DCTN5: variants seen among roughly 807,000 people sequenced by gnomAD.
DCTN5 encodes dynactin subunit 5.
DCTN5 carries 14 observed loss-of-function variants against 23.5 expected under a neutral mutation model. The observed-to-expected ratio is 0.60, with a 90% CI of 0.39 to 0.93. DCTN5 has a LOEUF of 0.93. Ranked by LOEUF, DCTN5 falls within the 40% of genes least tolerant of loss-of-function variation. DCTN5 has a pLI of 0.00. For synonymous variants in DCTN5, 67 were observed against 79.6 expected (o/e 0.84, Z 0.84); for missense variants, 156 against 225.9 (o/e 0.69, Z 1.98).
chr16:23,666,880 A>C lies in DCTN5; in HGVS notation c.452-167A>C, dbSNP rs1435115426. 2.7e-6 allele frequency: 3 copies of C among 1,106,706 alleles called. No individual in the cohort carries two copies. In the African/African-American group the frequency reaches 4.8e-5, roughly 18 times the overall value. 68.6% of individuals were successfully genotyped at this position (1,106,706 alleles called of 1,614,324 possible). A position where few individuals can be genotyped will look rare whatever the true frequency, so the allele number is the denominator to read the frequency against. On this transcript the variant is annotated intron_variant, in intron 5 of 5. Coordinates refer to ENST00000300087, the MANE Select transcript of DCTN5 (RefSeq NM_032486.4). ...TCTCCATATTGGGGTCCTGCTGTGAAAAAGTTTAGCTGTTCTTAGCAAGCA... is the reference window on the plus strand; with the variant it reads ...TCTCCATATTGGGGTCCTGCTGTGACAAAGTTTAGCTGTTCTTAGCAAGCA...
At chr16:23,651,848 A>G (rs558421806) in intron 2 of DCTN5, among the ~76,000 whole-genome samples, 1 of 152,330 alleles carries the variant, frequency 6.6e-6, no homozygotes, top group South Asian at 2.1e-4. Flanking sequence ...CAGCCTGGCC[A>G]TCATGGTGAA....
At chr16:23,643,071 G>A in intron 2 of DCTN5, 48 bp downstream of exon 2, 1 of 1,504,004 alleles carries the variant, frequency 6.6e-7, no homozygotes, top group Non-Finnish European at 9.3e-7. Context: ...CTTGCGTTCT[G>A]CTAATTGTCA....
rs1434730886 is a variant in DCTN5 at position 23,672,371 on chromosome 16, T to G, written c.*5227T>G. On this transcript the variant is annotated 3_prime_UTR_variant, in exon 6 of 6. Coordinates refer to ENST00000300087, the MANE Select transcript of DCTN5 (RefSeq NM_032486.4). ...CACTATAATGGGCACTTTATCCCATTTTATAAACATGGAAATTGAGGCACA... is the reference window on the plus strand; with the variant it reads ...CACTATAATGGGCACTTTATCCCATGTTATAAACATGGAAATTGAGGCACA... The G allele has an allele frequency of 6.6e-6, 1 of 152,186 alleles. No individual in the cohort carries two copies. The highest frequency in any genetic ancestry group is 1.5e-5 in the Non-Finnish European group (1 of 68,036). 9.4% of individuals were successfully genotyped at this position (152,186 alleles called of 1,614,324 possible). A position where few individuals can be genotyped will look rare whatever the true frequency, so the allele number is the denominator to read the frequency against.
At chr16:23,647,432 T>A (rs943618334) in intron 2 of DCTN5, among the ~76,000 whole-genome samples, 12 of 152,060 alleles carry the variant, frequency 7.9e-5, no homozygotes, top group Admixed American at 7.9e-4. Context: ...TTTTTAATCA[T>A]GAATTATGAG....
rs79996529 is a variant in DCTN5 at position 23,650,684 on chromosome 16, G to A, written c.117+7661G>A. On this transcript the variant is annotated intron_variant, in intron 2 of 5. Transcript: ENST00000300087. The stretch of plus-strand genomic sequence containing the variant: ...TCCACTTATCCACCCTCCTCTTGGT[G>A]GAAAGTTACTTTGTTTCTAGTTTTT... 1,293 of 1,412,398 alleles carry A rather than the reference G, an allele frequency of 9.2e-4. 19 individuals are homozygous for A. The East Asian group carries it at 0.025, about 27-fold the overall frequency. The allele number at this position is 1,412,398 out of a possible 1,614,324, so 87.5% of individuals were successfully genotyped here. A position where few individuals can be genotyped will look rare whatever the true frequency, so the allele number is the denominator to read the frequency against.
chr16:23,643,009 G>A lies in DCTN5; in HGVS notation c.103G>A (p.Val35Ile), dbSNP rs1967333531. Reference sequence around the variant, plus strand: ...AGTGTTGTGTGGAAGCCAGAACATCGTTCTCAATGGCAAGGTAAGGGACAA... The same window carrying A: ...AGTGTTGTGTGGAAGCCAGAACATCATTCTCAATGGCAAGGTAAGGGACAA... The part of the protein sequence containing the change: ...QSVLCGSQNI[V>I]LNGKTIVMND... Residue 35 changes from valine to isoleucine, a missense_variant, in exon 2 of 6, where the codon GTT (valine) becomes ATT (isoleucine). By Grantham distance (29) the Val-to-Ile change is conservative. Around this residue, in one of 2 missense-constraint regions of DCTN5, gnomAD observed 153 missense variants for 206.8 expected, o/e 0.74. Coordinates refer to ENST00000300087, the MANE Select transcript of DCTN5 (RefSeq NM_032486.4). The A allele has an allele frequency of 6.2e-7, 1 of 1,614,116 alleles. No individual in the cohort carries two copies. Among genetic ancestry groups the A allele is most frequent in the Non-Finnish European group, 8.5e-7 (1 of 1,180,008 alleles).
chr16:23,660,087 G>A (rs899735595), intron 3 of DCTN5, among the ~76,000 whole-genome samples: 1 of 152,026 alleles, frequency 6.6e-6, no homozygotes, highest in Non-Finnish European at 1.5e-5. Context: ...TAATACTATC[G>A]AACTTGGAAT....
intron 2 of DCTN5, among the ~76,000 whole-genome samples, chr16:23,658,098 G>C (rs565943665): frequency 1.4e-4 from 22 of 152,344 alleles, no homozygotes; most frequent in African/African-American, 4.8e-4. Flanking sequence ...GGAGCATGGA[G>C]TTGGAGGAGG....
Position 23,642,139 on chromosome 16 carries a change from G to A in DCTN5, c.48+549G>A, listed in dbSNP as rs703771. 2.1e-4 allele frequency among the ~76,000 whole-genome samples: 32 copies of A among 152,118 alleles called. No individual in the cohort carries two copies. In the East Asian group the frequency reaches 6.2e-3, roughly 30 times the overall value. On this transcript the variant is annotated intron_variant, in intron 1 of 5. Coordinates refer to ENST00000300087, the MANE Select transcript of DCTN5 (RefSeq NM_032486.4). ...GTAGAGACGGGGTTTCACCGTGTTG[G>A]CCAGGCAGGTCCCTAACTCTTGACC...
chr16:23,657,593 G>A (rs1057076253), intron 2 of DCTN5: 34 of 295,578 alleles, frequency 1.2e-4, no homozygotes, highest in Non-Finnish European at 2.1e-4. Flanking sequence ...GCAGGTACTT[G>A]CCACCATGTC....
chr16:23,651,296 T>C (rs530854654), intron 2 of DCTN5: 16 of 678,304 alleles, frequency 2.4e-5, no homozygotes, highest in African/African-American at 2.3e-4. Context: ...CTTCTTTCTT[T>C]TTAACACCCC....
intron 2 of DCTN5, among the ~76,000 whole-genome samples, chr16:23,645,143 T>A (rs1311599767): frequency 1.2e-4 from 12 of 96,394 alleles, no homozygotes; most frequent in South Asian, 3.4e-4. Flanking sequence ...ATATATTTTT[T>A]TTTTTTTTAA....
intron 2 of DCTN5, among the ~76,000 whole-genome samples, chr16:23,648,657 T>C (rs1355923796): frequency 1.3e-5 from 2 of 151,892 alleles, no homozygotes; most frequent in Non-Finnish European, 2.9e-5. Flanking sequence ...GCCCTATTTG[T>C]AGTTTTTTTA....
chr16:23,674,531 G>C lies in DCTN5; in HGVS notation c.*7387G>C, dbSNP rs550597899. 1 of 152,302 alleles carries C rather than the reference G, an allele frequency of 6.6e-6. No homozygotes were observed. The highest frequency in any genetic ancestry group is 1.9e-4 in the East Asian group (1 of 5,186). 9.4% of individuals were successfully genotyped at this position (152,302 alleles called of 1,614,324 possible). ...CAGCTTTTGGGATTAGTTGCAGCTT[G>C]CAACAGTGGACTGACAGCCTGACTC... On this transcript the variant is annotated 3_prime_UTR_variant, in exon 6 of 6. Transcript: ENST00000300087.
At chr16:23,650,937 C>G in intron 2 of DCTN5, 1 of 1,411,160 alleles carries the variant, frequency 7.1e-7, no homozygotes, top group East Asian at 2.5e-5. Context: ...GGAATACAGG[C>G]CCACGTGGCA....
intron 1 of DCTN5, 29 bp downstream of exon 1, chr16:23,641,619 C>T (rs778600775): frequency 1.1e-5 from 18 of 1,613,248 alleles, no homozygotes; most frequent in East Asian, 6.7e-5. Flanking sequence ...GTATCCTCCT[C>T]TTTCCAACCC....
At chr16:23,663,518 A>T (rs1967852671) in intron 4 of DCTN5, among the ~76,000 whole-genome samples, 1 of 152,152 alleles carries the variant, frequency 6.6e-6, no homozygotes. Context: ...GTTTAAGACC[A>T]GCCTGGCCAA....
In DCTN5 at chr16:23,675,835, A is replaced by G. The variant is rs11188; in HGVS notation, c.*8691A>G. Reference sequence around the variant, plus strand: ...TCTCCCACAAATGTCATCCATGCTCATGAGATGGATCAACTTGTATCCTGA... The same window carrying G: ...TCTCCCACAAATGTCATCCATGCTCGTGAGATGGATCAACTTGTATCCTGA... On this transcript the variant is annotated 3_prime_UTR_variant, in exon 6 of 6. Transcript: ENST00000300087. The G allele has an allele frequency of 0.078, 11,868 of 152,252 alleles. 501 individuals are homozygous for G. The highest frequency in any genetic ancestry group is 0.17 in the East Asian group (878 of 5,168). The allele number at this position is 152,252 out of a possible 1,614,324, so 9.4% of individuals were successfully genotyped here. A position where few individuals can be genotyped will look rare whatever the true frequency, so the allele number is the denominator to read the frequency against.
rs1226437132 is a variant in DCTN5 at position 23,670,855 on chromosome 16, C to T, written c.*3711C>T. 2.6e-5 allele frequency: 4 copies of T among 152,132 alleles called. No homozygotes were observed. Among genetic ancestry groups the T allele is most frequent in the Non-Finnish European group, 5.9e-5 (4 of 68,044 alleles). The allele number at this position is 152,132 out of a possible 1,614,324, so 9.4% of individuals were successfully genotyped here. A position where few individuals can be genotyped will look rare whatever the true frequency, so the allele number is the denominator to read the frequency against. On this transcript the variant is annotated 3_prime_UTR_variant, in exon 6 of 6. Transcript: ENST00000300087. ...TTCCATTTAGGGGTAAGAAGGTGGG[C>T]CCCTCACCATATGCTGCACAGAGAA...
Sources: allele counts gnomAD v4.1 joint callset (sites outside exome capture counted in the v4.1 genomes callset), GRCh38; gene constraint gnomAD v4.1.1; regional missense constraint gnomAD v4.1.1; transcripts MANE v1.5; gene names NCBI Gene and HGNC (gene_info 2026-07-23, HGNC 2026-07-21).